NEXMIF: variants seen among roughly 807,000 people sequenced by gnomAD.
NEXMIF encodes the protein neurite extension and migration factor, also known as XLMR protein related to neurite extension.
NEXMIF carries 8 observed loss-of-function variants against 62.1 expected under a neutral mutation model. The ratio of observed to expected loss-of-function variants is 0.13; its 90% CI spans 0.08 to 0.23. The LOEUF is 0.23. Ranked by LOEUF, NEXMIF falls within the 10% of genes least tolerant of loss-of-function variation. NEXMIF has a pLI of 1.00. For missense variants in NEXMIF, 976 were observed against 1,113.3 expected (o/e 0.88, Z 1.75); for synonymous variants, 404 against 416.6 (o/e 0.97, Z 0.37).
Position 74,853,027 on chromosome X carries a change from T to A in NEXMIF, c.-48+71856A>T, listed in dbSNP as rs182026469. Among the ~76,000 whole-genome samples the A allele has an allele frequency of 9.5e-3, 1,051 of 111,062 alleles. 16 individuals are homozygous for A. Among genetic ancestry groups the A allele is most frequent in the African/African-American group, 0.032 (985 of 30,558 alleles). ...TGAAAAGTTTTTTTTCAAAAAAAGA[T>A]AAAATTGATAAACTGCTAGTGAAAT... On this transcript the variant is annotated intron_variant, in intron 1 of 3. Transcript: ENST00000055682.
chrX:74,871,979 T>C (rs753703841), intron 1 of NEXMIF, among the ~76,000 whole-genome samples: 8 of 111,482 alleles, frequency 7.2e-5, no homozygotes, highest in African/African-American at 2.0e-4. Context: ...GATTAAGAGA[T>C]TAAAGACAGG....
intron 1 of NEXMIF, among the ~76,000 whole-genome samples, chrX:74,767,272 T>G (rs1212940011): frequency 8.9e-6 from 1 of 112,451 alleles, no homozygotes; most frequent in Non-Finnish European, 1.9e-5. Context: ...AGGGCTGAGA[T>G]GCAGTATGCT....
At chrX:74,910,502 A>G (rs145905361) in intron 1 of NEXMIF, among the ~76,000 whole-genome samples, 1,135 of 111,805 alleles carry the variant, frequency 0.01, 14 homozygotes, top group African/African-American at 0.035. Flanking sequence ...AGGCTCATAG[A>G]TGGAAGGGAC....
chrX:74,815,085 A>G (rs1602237576), intron 1 of NEXMIF, among the ~76,000 whole-genome samples: 1 of 112,709 alleles, frequency 8.9e-6, no homozygotes, highest in Admixed American at 9.4e-5. Context: ...TGTAGGATTT[A>G]TTTTTAGAAG....
At chrX:74,922,955 T>A (rs1380037163) in intron 1 of NEXMIF, among the ~76,000 whole-genome samples, 3 of 111,682 alleles carry the variant, frequency 2.7e-5, no homozygotes, top group Non-Finnish European at 5.6e-5. Context: ...TTTCAAGTCT[T>A]ACAAATTTTG....
intron 1 of NEXMIF, among the ~76,000 whole-genome samples, chrX:74,902,484 A>G (rs947100137): frequency 7.2e-5 from 8 of 111,142 alleles, no homozygotes; most frequent in African/African-American, 2.3e-4. Flanking sequence ...GGTCTTACAA[A>G]AAAAGGTAAC....
chrX:74,919,414 T>C (rs377293244), intron 1 of NEXMIF, among the ~76,000 whole-genome samples: 4 of 111,006 alleles, frequency 3.6e-5, no homozygotes, highest in African/African-American at 1.3e-4. Flanking sequence ...TATAATCACC[T>C]CCCCAAATTG....
At chrX:74,840,021 A>G (rs2080469001) in intron 1 of NEXMIF, among the ~76,000 whole-genome samples, 1 of 111,629 alleles carries the variant, frequency 9.0e-6, no homozygotes, top group Admixed American at 9.5e-5. Context: ...ACTAATTTAC[A>G]CACTCACCAA....
At chrX:74,888,105 C>T (rs760596385) in intron 1 of NEXMIF, among the ~76,000 whole-genome samples, 5 of 109,009 alleles carry the variant, frequency 4.6e-5, no homozygotes, top group African/African-American at 1.7e-4. Flanking sequence ...CACATGGACA[C>T]AGGAAGGGGA....
intron 1 of NEXMIF, among the ~76,000 whole-genome samples, chrX:74,834,914 C>T (rs2798173): frequency 0.079 from 8,735 of 111,212 alleles, 842 homozygotes; most frequent in African/African-American, 0.27. Flanking sequence ...TTTCTCTATC[C>T]CCCATCTAAA....
intron 1 of NEXMIF, among the ~76,000 whole-genome samples, chrX:74,891,836 A>G (rs773618343): frequency 1.8e-5 from 2 of 111,917 alleles, no homozygotes; most frequent in African/African-American, 6.5e-5. Flanking sequence ...TGTTCTCTAA[A>G]CATTTGATTC....
At chrX:74,896,842 T>A (rs1024756703) in intron 1 of NEXMIF, among the ~76,000 whole-genome samples, 3 of 111,966 alleles carry the variant, frequency 2.7e-5, no homozygotes, top group African/African-American at 9.7e-5. Flanking sequence ...TAGAATTTGA[T>A]AAGTGCTGAA....
At chrX:74,913,511 C>A (rs1444794683) in intron 1 of NEXMIF, among the ~76,000 whole-genome samples, 2 of 110,929 alleles carry the variant, frequency 1.8e-5, no homozygotes, top group African/African-American at 6.5e-5. Flanking sequence ...TTGAAAACTT[C>A]CAAAACTTGG....
chrX:74,752,092 C>A (rs2080146079), intron 1 of NEXMIF, among the ~76,000 whole-genome samples: 2 of 111,558 alleles, frequency 1.8e-5, no homozygotes, highest in Non-Finnish European at 3.8e-5. Context: ...CAGGCATGAG[C>A]CACTATGCCC....
At chrX:74,770,179 C>T (rs1040895309) in intron 1 of NEXMIF, among the ~76,000 whole-genome samples, 3 of 112,074 alleles carry the variant, frequency 2.7e-5, no homozygotes, top group Non-Finnish European at 3.8e-5. Context: ...CACTTAACCT[C>T]ATTTGAATCT....
chrX:74,852,658 C>T (rs1189730419), intron 1 of NEXMIF, among the ~76,000 whole-genome samples: 1 of 111,787 alleles, frequency 8.9e-6, no homozygotes, highest in Admixed American at 9.5e-5. Flanking sequence ...TTGGAAACTA[C>T]AAACACATGG....
intron 1 of NEXMIF, among the ~76,000 whole-genome samples, chrX:74,823,891 G>C (rs1380812134): frequency 4.5e-5 from 5 of 111,517 alleles, no homozygotes; most frequent in Non-Finnish European, 5.7e-5. Context: ...TTTTCTGTAA[G>C]TCCTAAATTA....
chrX:74,763,834 A>G (rs1339561428), intron 1 of NEXMIF, among the ~76,000 whole-genome samples: 4 of 111,971 alleles, frequency 3.6e-5, no homozygotes, highest in South Asian at 3.7e-4. Flanking sequence ...CTGAGACTTT[A>G]CTGAAGTTGC....
chrX:74,824,031 C>T (rs893620688), intron 1 of NEXMIF, among the ~76,000 whole-genome samples: 2 of 111,119 alleles, frequency 1.8e-5, no homozygotes, highest in Admixed American at 1.9e-4. Context: ...ATTGCTTCCC[C>T]TCCAGTTGGT....
Sources: allele counts gnomAD v4.1 joint callset (sites outside exome capture counted in the v4.1 genomes callset), GRCh38; gene constraint gnomAD v4.1.1; transcripts MANE v1.5; gene names NCBI Gene and HGNC (gene_info 2026-07-23, HGNC 2026-07-21).